The following LRMDA variants were observed in gnomAD, a reference collection of about 807,000 sequenced individuals.
LRMDA encodes the protein leucine rich melanocyte differentiation associated.
In LRMDA, 18 loss-of-function variants were observed where a neutral mutation model predicts 29.8. The observed-to-expected ratio is 0.60, with a 90% CI of 0.42 to 0.90. The LOEUF (loss-of-function observed/expected upper bound fraction) is 0.90, where lower values mean the gene tolerates loss of function less well. LRMDA is among the 40% of genes least tolerant of loss of function. LRMDA has a pLI of 0.00. For synonymous variants in LRMDA, 125 were observed against 109.4 expected, an observed-to-expected ratio of 1.14 and a Z score of -0.89; for missense variants, 273 against 273.9, an observed-to-expected ratio of 1.00 and a Z score of 0.02.
chr10:75,802,143 C>T (rs1463111227), intron 2 of LRMDA, among the ~76,000 whole-genome samples: 1 of 152,004 alleles, frequency 6.6e-6, no homozygotes, highest in Non-Finnish European at 1.5e-5. Flanking sequence ...ACAGGGAGAC[C>T]CCATTTCTAC....
chr10:76,163,469 T>C (rs1253311649), intron 5 of LRMDA, among the ~76,000 whole-genome samples: 1 of 152,126 alleles, frequency 6.6e-6, no homozygotes, highest in East Asian at 1.9e-4. Context: ...CATAGACTGT[T>C]TTACTGATTG....
At chr10:75,443,099 T>C (rs1212907060) in intron 2 of LRMDA, among the ~76,000 whole-genome samples, 3 of 152,158 alleles carry the variant, frequency 2.0e-5, no homozygotes, top group African/African-American at 7.2e-5. Context: ...TCTAACAGTT[T>C]TTTGGTGTAG....
At chr10:76,047,761 A>G (rs1848464359) in intron 4 of LRMDA, among the ~76,000 whole-genome samples, 1 of 152,190 alleles carries the variant, frequency 6.6e-6, no homozygotes, top group African/African-American at 2.4e-5. Flanking sequence ...GGTCTGTCTC[A>G]GAGTCATCTT....
At chr10:76,302,355 A>G (rs139135205) in intron 5 of LRMDA, among the ~76,000 whole-genome samples, 5 of 152,288 alleles carry the variant, frequency 3.3e-5, no homozygotes, top group East Asian at 3.9e-4. Context: ...GTGTTTCACT[A>G]TCTTCCCTGG....
chr10:76,493,767 T>TA (rs1158272331), intron 6 of LRMDA, among the ~76,000 whole-genome samples: 1 of 151,930 alleles, frequency 6.6e-6, no homozygotes, highest in Non-Finnish European at 1.5e-5. Flanking sequence ...TGCCAATGTC[T>TA]AAAAAAAATC....
At chr10:75,449,703 G>A (rs918087078) in intron 2 of LRMDA, among the ~76,000 whole-genome samples, 2 of 152,108 alleles carry the variant, frequency 1.3e-5, no homozygotes, top group Non-Finnish European at 2.9e-5. Flanking sequence ...GGCGAGGCAG[G>A]ACCTCATGAG....
intron 6 of LRMDA, among the ~76,000 whole-genome samples, chr10:76,434,303 TTCTC>T (rs907710371): frequency 3.3e-5 from 5 of 152,020 alleles, no homozygotes; most frequent in Non-Finnish European, 7.4e-5. Context: ...ATCTCTTTTT[TTCTC>T]TCTCTCTTTC....
intron 2 of LRMDA, among the ~76,000 whole-genome samples, chr10:75,918,891 G>C (rs1221117204): frequency 6.6e-6 from 1 of 151,954 alleles, no homozygotes; most frequent in Non-Finnish European, 1.5e-5. Flanking sequence ...CACTGTGTGT[G>C]AAGAAAAAAA....
At chr10:76,312,531 C>A (rs1199975519) in intron 5 of LRMDA, among the ~76,000 whole-genome samples, 1 of 152,072 alleles carries the variant, frequency 6.6e-6, no homozygotes, top group Non-Finnish European at 1.5e-5. Context: ...ACACATGAGG[C>A]AAGTTCCTTC....
At chr10:76,353,867 C>G (rs1841208454) in intron 6 of LRMDA, among the ~76,000 whole-genome samples, 1 of 152,118 alleles carries the variant, frequency 6.6e-6, no homozygotes, top group African/African-American at 2.4e-5. Context: ...TGATTTCTGG[C>G]TTTTTGCAGA....
intron 2 of LRMDA, among the ~76,000 whole-genome samples, chr10:75,768,750 AG>A (rs1843201344): frequency 6.6e-6 from 1 of 152,210 alleles, no homozygotes; most frequent in South Asian, 2.1e-4. Flanking sequence ...GTGGTTCTTT[AG>A]TATAAAAAGT....
intron 5 of LRMDA, among the ~76,000 whole-genome samples, chr10:76,160,311 A>T (rs1340878040): frequency 2.6e-5 from 4 of 151,192 alleles, no homozygotes; most frequent in African/African-American, 9.7e-5. Context: ...TAAATATTTT[A>T]TAATTGAAAG....
Position 75,929,293 on chromosome 10 carries a change from C to CTGTGTGTGTG in LRMDA, c.132-106714_132-106713insGTGTGTGTGT, listed in dbSNP as rs1356774992. On this transcript the variant is annotated intron_variant, in intron 2 of 6. Transcript: ENST00000611255. The stretch of plus-strand genomic sequence containing the variant: ...ATATACAAGCATTTAAATGCATGAT[C>CTGTGTGTGTG]TATGTGTGTGTGTGTGTGTGTAAAT... Among the ~76,000 whole-genome samples the CTGTGTGTGTG allele has an allele frequency of 7.4e-5, 8 of 108,370 alleles. No homozygotes were observed. The East Asian group carries it at 1.8e-3, about 25-fold the overall frequency. 71.1% of individuals were successfully genotyped at this position (108,370 alleles called of 152,430 possible). A position where few individuals can be genotyped will look rare whatever the true frequency, so the allele number is the denominator to read the frequency against.
intron 2 of LRMDA, among the ~76,000 whole-genome samples, chr10:75,564,477 T>G (rs1840344068): frequency 6.6e-6 from 1 of 152,222 alleles, no homozygotes; most frequent in Admixed American, 6.5e-5. Flanking sequence ...CCTGACCCCT[T>G]GCGCTTCCCG....
intron 6 of LRMDA, among the ~76,000 whole-genome samples, chr10:76,556,747 TG>T (rs1341640915): frequency 1.3e-5 from 2 of 152,212 alleles, no homozygotes; most frequent in African/African-American, 2.4e-5. Flanking sequence ...ATATTCTCTC[TG>T]GAAGTCAACA....
At chr10:76,484,795 C>G (rs1281856842) in intron 6 of LRMDA, among the ~76,000 whole-genome samples, 2 of 151,676 alleles carry the variant, frequency 1.3e-5, no homozygotes, top group African/African-American at 4.8e-5. Context: ...AGTCCTAGTA[C>G]TTTTTTGCCT....
At chr10:75,732,875 T>A (rs999206947) in intron 2 of LRMDA, among the ~76,000 whole-genome samples, 4 of 152,106 alleles carry the variant, frequency 2.6e-5, no homozygotes, top group African/African-American at 9.7e-5. Flanking sequence ...GAGGAGCATG[T>A]TGAAAAAAGC....
intron 2 of LRMDA, among the ~76,000 whole-genome samples, chr10:75,711,964 C>CAT (rs749610485): frequency 4.1e-4 from 62 of 151,760 alleles, no homozygotes; most frequent in African/African-American, 1.3e-3. Context: ...TATATGTATA[C>CAT]ATATATATAT....
At chr10:75,672,523 TTCCTCCCCTC>T (rs1564536233) in intron 2 of LRMDA, among the ~76,000 whole-genome samples, 5 of 20,498 alleles carry the variant, frequency 2.4e-4, no homozygotes, top group African/African-American at 1.2e-3. Flanking sequence ...TTCTTTTCTT[TTCCTCCCCTC>T]CCCTCCCCTC....
Sources: gnomAD v4.1 joint callset for allele counts (sites outside exome capture counted in the v4.1 genomes callset) on GRCh38, gnomAD v4.1.1 for gene constraint, MANE v1.5 for transcripts, NCBI Gene and HGNC (gene_info 2026-07-23, HGNC 2026-07-21) for gene names.